SKAP2: variants seen among roughly 807,000 people sequenced by gnomAD.
SKAP2 encodes the protein src kinase associated phosphoprotein 2.
SKAP2 carries 28 observed loss-of-function variants against 54.9 expected under a neutral mutation model. The ratio of observed to expected loss-of-function variants is 0.51; its 90% confidence interval spans 0.38 to 0.70. The LOEUF (loss-of-function observed/expected upper bound fraction) is 0.70, where lower values mean the gene tolerates loss of function less well. SKAP2 is among the 30% of genes least tolerant of loss of function. SKAP2 has a pLI of 0.00. For synonymous variants in SKAP2, 137 were observed against 134.3 expected, an observed-to-expected ratio of 1.02 and a Z score of -0.14; for missense variants, 356 against 424.1, an observed-to-expected ratio of 0.84 and a Z score of 1.41.
chr7:26,749,172 C>A (rs1342257369), intron 4 of SKAP2, among the ~76,000 whole-genome samples: 2 of 152,086 alleles, frequency 1.3e-5, no homozygotes, highest in Non-Finnish European at 2.9e-5. Flanking sequence ...CACCTTTTAA[C>A]CATACGACTT....
At chr7:26,768,367 T>C (rs1403156682) in intron 4 of SKAP2, among the ~76,000 whole-genome samples, 1 of 152,048 alleles carries the variant, frequency 6.6e-6, no homozygotes, top group Non-Finnish European at 1.5e-5. Context: ...ACATGTGAGA[T>C]GAGTCTCCTG....
chr7:26,757,806 G>C (rs1465025179), intron 4 of SKAP2, among the ~76,000 whole-genome samples: 1 of 152,184 alleles, frequency 6.6e-6, no homozygotes, highest in Non-Finnish European at 1.5e-5. Flanking sequence ...CTGTCACCCA[G>C]GCTGGAGTGC....
Position 26,684,847 on chromosome 7 carries a change from C to T in SKAP2, c.876G>A (p.Gly292=). 2 of 1,581,184 alleles carry T rather than the reference C, an allele frequency of 1.3e-6. No individual in the cohort carries two copies. The highest frequency in any genetic ancestry group is 1.7e-6 in the Non-Finnish European group (2 of 1,152,390). ...AATTAGCATAATCAGTGCTCTTATC[C>T]CCTAGGAAGAAGAAAGAGAAAGCAT... ...MSQDSVHHTS[G]DKSTDYANFY... The change falls in exon 11 of 13, where the codon GGG becomes GGA. Residue 292 remains glycine (G), a splice_region_variant and synonymous_variant. Transcript: ENST00000345317.
chr7:26,709,654 G>A (rs904149206), intron 9 of SKAP2, among the ~76,000 whole-genome samples: 3 of 152,078 alleles, frequency 2.0e-5, no homozygotes, highest in African/African-American at 7.2e-5. Flanking sequence ...TTGCTTACTA[G>A]TCACATTAAG....
At chr7:26,711,787 T>C (rs11536406) in intron 9 of SKAP2, among the ~76,000 whole-genome samples, 8,422 of 152,204 alleles carry the variant, frequency 0.055, 421 homozygotes, top group East Asian at 0.29. Flanking sequence ...AGGAAATCAA[T>C]CTGTTGGCAC....
At chr7:26,835,743 A>T (rs1044063012) in intron 4 of SKAP2, among the ~76,000 whole-genome samples, 2 of 152,222 alleles carry the variant, frequency 1.3e-5, no homozygotes, top group Admixed American at 1.3e-4. Flanking sequence ...AAGAATCAAT[A>T]TCATGAAAAA....
At position 26,750,016 on chromosome 7, in the gene SKAP2, A is replaced by G. The variant is rs114700528; in HGVS notation, c.308-10052T>C. Among the ~76,000 whole-genome samples the G allele has an allele frequency of 6.7e-3, 1,022 of 151,930 alleles. 16 individuals carry two copies. The highest frequency in any genetic ancestry group is 0.023 in the African/African-American group (959 of 41,486). On this transcript the variant is annotated intron_variant, in intron 4 of 12. Coordinates refer to ENST00000345317, the MANE Select transcript of SKAP2 (RefSeq NM_003930.5). ...ATCACATAACCCTAAGAGGTTAAGT[A>G]TTACTAACTCTATATTACCAATCAG...
chr7:26,712,296 G>C (rs1229250145), intron 9 of SKAP2, among the ~76,000 whole-genome samples: 1 of 152,070 alleles, frequency 6.6e-6, no homozygotes. Flanking sequence ...TTCAAATTAG[G>C]AATATTCAAT....
chr7:26,679,426 T>C (rs1417456057), intron 11 of SKAP2, among the ~76,000 whole-genome samples: 1 of 152,192 alleles, frequency 6.6e-6, no homozygotes, highest in African/African-American at 2.4e-5. Flanking sequence ...GGGTACTAAA[T>C]AGGAGGTTGG....
intron 4 of SKAP2, among the ~76,000 whole-genome samples, chr7:26,779,760 T>G (rs1206185461): frequency 6.6e-6 from 1 of 152,008 alleles, no homozygotes; most frequent in Non-Finnish European, 1.5e-5. Flanking sequence ...AAATTAGATA[T>G]AAACAACAGA....
intron 4 of SKAP2, among the ~76,000 whole-genome samples, chr7:26,843,056 ACTTATCCCC>A: frequency 6.6e-6 from 1 of 152,030 alleles, no homozygotes; most frequent in Non-Finnish European, 1.5e-5. Flanking sequence ...CATGTACTTG[ACTTATCCCC>A]GTTCTGCAAC....
At chr7:26,731,601 C>T (rs1263293319) in intron 6 of SKAP2, among the ~76,000 whole-genome samples, 1 of 152,196 alleles carries the variant, frequency 6.6e-6, no homozygotes, top group Non-Finnish European at 1.5e-5. Context: ...CATCTGCTCA[C>T]TAAATATGTT....
chr7:26,754,256 C>T (rs9648018), intron 4 of SKAP2, among the ~76,000 whole-genome samples: 86,217 of 151,314 alleles, frequency 0.57, 25,031 homozygotes, highest in East Asian at 0.88. Flanking sequence ...CCCAGCCACT[C>T]TGGAGGCTGA....
intron 9 of SKAP2, among the ~76,000 whole-genome samples, chr7:26,723,392 C>T (rs1787621705): frequency 6.6e-6 from 1 of 152,146 alleles, no homozygotes; most frequent in Non-Finnish European, 1.5e-5. Flanking sequence ...GGCACAGGTG[C>T]AGGCTCCATC....
At chr7:26,660,040 T>A in the SKAP2 span, among the ~76,000 whole-genome samples, 25 of 152,100 alleles carry the variant, frequency 1.6e-4, no homozygotes, top group African/African-American at 5.6e-4. Context: ...CTTCTCAACA[T>A]TTTTTTAAGA....
chr7:26,725,917 T>C lies in SKAP2; in HGVS notation c.658+6A>G, dbSNP rs773593800. 1 of 1,604,018 alleles carries C rather than the reference T, an allele frequency of 6.2e-7. No homozygotes were observed. The highest frequency in any genetic ancestry group is 8.5e-7 in the Non-Finnish European group (1 of 1,172,372). On this transcript the variant is annotated splice_donor_region_variant and intron_variant, in intron 8 of 12. Coordinates refer to ENST00000345317, the MANE Select transcript of SKAP2 (RefSeq NM_003930.5). ...TGTGATAACTTGTTCGATTGATTTA[T>C]CTTACCTTGCAATACAAATTTCAGC...
At chr7:26,700,678 C>T (rs1283760371) in intron 9 of SKAP2, among the ~76,000 whole-genome samples, 1 of 152,182 alleles carries the variant, frequency 6.6e-6, no homozygotes, top group East Asian at 1.9e-4. Context: ...CTAGTCTGGC[C>T]TTCTTCACTT....
At chr7:26,862,636 A>C (rs1785293249) in intron 1 of SKAP2, among the ~76,000 whole-genome samples, 1 of 152,070 alleles carries the variant, frequency 6.6e-6, no homozygotes, top group Admixed American at 6.5e-5. Context: ...TAAATATGTA[A>C]TTTTGAGTTT....
chr7:26,715,837 T>C (rs1274778534), intron 9 of SKAP2, among the ~76,000 whole-genome samples: 1 of 152,238 alleles, frequency 6.6e-6, no homozygotes, highest in Non-Finnish European at 1.5e-5. Flanking sequence ...TTATTTGTAC[T>C]AATTTCAGTG....
Sources: allele counts gnomAD v4.1 joint callset (sites outside exome capture counted in the v4.1 genomes callset), GRCh38; gene constraint gnomAD v4.1.1; transcripts MANE v1.5; gene names NCBI Gene and HGNC (gene_info 2026-07-23, HGNC 2026-07-21).